CTIF: variants seen among roughly 807,000 people sequenced by gnomAD.
CTIF encodes the protein cap binding complex dependent translation initiation factor.
Under a neutral mutation model 66.0 loss-of-function variants are expected in CTIF, and 21 were observed. The ratio of observed to expected loss-of-function variants is 0.32; its 90% CI spans 0.23 to 0.46. The LOEUF is 0.46. Among genes scored for constraint, CTIF ranks in the 20% least tolerant of loss-of-function variants. The pLI, the probability that CTIF is intolerant of heterozygous loss-of-function variation, is 1.00. For synonymous variants in CTIF, 345 were observed against 326.4 expected (o/e 1.06, Z -0.62); for missense variants, 739 against 812.7 (o/e 0.91, Z 1.10).
intron 9 of CTIF, among the ~76,000 whole-genome samples, chr18:48,803,997 C>CCTGTGT (rs2068095388): frequency 6.6e-6 from 1 of 152,282 alleles, no homozygotes; most frequent in Admixed American, 6.5e-5. Flanking sequence ...CTAGGGCCCA[C>CCTGTGT]CTTCCATGTA....
chr18:48,666,794 C>G (rs567176745), intron 5 of CTIF, among the ~76,000 whole-genome samples: 1 of 152,310 alleles, frequency 6.6e-6, no homozygotes, highest in South Asian at 2.1e-4. Flanking sequence ...CCCACTCATT[C>G]AGTTGCAGGG....
At position 48,571,770 on chromosome 18, in the gene CTIF, C is replaced by T. The variant is rs565425767; in HGVS notation, c.-29+32458C>T. On this transcript the variant is annotated intron_variant, in intron 1 of 11. Coordinates refer to ENST00000256413, the MANE Select transcript of CTIF (RefSeq NM_014772.3). ...ACACTGTATACTGTGTAGTCAAAGG[C>T]AAATCACTCTTGGCTCCTGGCCTCA... 1.3e-3 allele frequency among the ~76,000 whole-genome samples: 202 copies of T among 152,170 alleles called. 2 individuals carry two copies. Among genetic ancestry groups the T allele is most frequent in the African/African-American group, 4.1e-3 (171 of 41,532 alleles).
intron 7 of CTIF, among the ~76,000 whole-genome samples, chr18:48,717,408 AAT>A (rs2145537658): frequency 7.5e-6 from 1 of 133,636 alleles, no homozygotes; most frequent in East Asian, 2.1e-4. Context: ...TTAAAAAATA[AAT>A]AAATAAATAA....
chr18:48,809,649 A>G (rs1047492833), intron 9 of CTIF, among the ~76,000 whole-genome samples: 23 of 152,106 alleles, frequency 1.5e-4, no homozygotes, highest in Admixed American at 1.2e-3. Flanking sequence ...TGGAAGTTTG[A>G]ATGAACTTAC....
chr18:48,720,117 A>G (rs1405492457), intron 7 of CTIF, among the ~76,000 whole-genome samples: 1 of 152,224 alleles, frequency 6.6e-6, no homozygotes, highest in Non-Finnish European at 1.5e-5. Context: ...TATGGAATGC[A>G]ACTACCATAA....
intron 7 of CTIF, among the ~76,000 whole-genome samples, chr18:48,753,361 G>C (rs1467617457): frequency 6.6e-6 from 1 of 152,184 alleles, no homozygotes; most frequent in Non-Finnish European, 1.5e-5. Flanking sequence ...AAAACGAACA[G>C]AGGGACATTT....
At chr18:48,626,208 A>T (rs549651775) in intron 2 of CTIF, among the ~76,000 whole-genome samples, 7 of 151,834 alleles carry the variant, frequency 4.6e-5, no homozygotes, top group African/African-American at 1.7e-4. Context: ...CACCATATTG[A>T]TCAGGTTGGT....
intron 1 of CTIF, among the ~76,000 whole-genome samples, chr18:48,563,464 TTTTTG>T (rs36232068): frequency 5.9e-5 from 9 of 152,152 alleles, no homozygotes; most frequent in East Asian, 1.9e-4. Flanking sequence ...TCTAAGGTTT[TTTTTG>T]TTTTGTTTTG....
intron 1 of CTIF, among the ~76,000 whole-genome samples, chr18:48,598,318 T>C (rs1473619840): frequency 1.3e-5 from 2 of 152,238 alleles, no homozygotes; most frequent in African/African-American, 4.8e-5. Flanking sequence ...CTCATTCATA[T>C]TTAAGTTTTC....
rs1384926973 is a variant in CTIF, at chr18:48,651,090, C to T, written c.253-12662C>T. 2.0e-5 allele frequency among the ~76,000 whole-genome samples: 3 copies of T among 152,252 alleles called. No homozygotes were observed. In the South Asian group the frequency reaches 6.2e-4, roughly 32 times the overall value. ...GCTAGGAAGAAACTGCATCAATTAACGGGCAAAATAACCAGCTAACATCAT... is the reference window on the plus strand; with the variant it reads ...GCTAGGAAGAAACTGCATCAATTAATGGGCAAAATAACCAGCTAACATCAT... On this transcript the variant is annotated intron_variant, in intron 3 of 11. Coordinates refer to ENST00000256413, the MANE Select transcript of CTIF (RefSeq NM_014772.3).
At chr18:48,621,967 C>T (rs189728501) in intron 2 of CTIF, among the ~76,000 whole-genome samples, 18 of 152,302 alleles carry the variant, frequency 1.2e-4, no homozygotes, top group South Asian at 6.2e-4. Flanking sequence ...GGTGTGGGGC[C>T]GCGCATCTAA....
At chr18:48,555,524 A>G (rs1286055478) in intron 1 of CTIF, among the ~76,000 whole-genome samples, 2 of 152,184 alleles carry the variant, frequency 1.3e-5, no homozygotes, top group Non-Finnish European at 2.9e-5. Context: ...GGCCTGGAGA[A>G]GGTGGGGATG....
intron 6 of CTIF, among the ~76,000 whole-genome samples, chr18:48,684,905 T>G (rs779070095): frequency 2.0e-5 from 3 of 152,216 alleles, no homozygotes; most frequent in Non-Finnish European, 4.4e-5. Flanking sequence ...AATCTAATTG[T>G]CATATCAGGA....
At chr18:48,543,517 G>A (rs755504386) in intron 1 of CTIF, among the ~76,000 whole-genome samples, 46 of 152,148 alleles carry the variant, frequency 3.0e-4, no homozygotes, top group Non-Finnish European at 5.0e-4. Flanking sequence ...CCTTCTCCCT[G>A]TGTTAGCACC....
intron 9 of CTIF, among the ~76,000 whole-genome samples, chr18:48,762,302 C>G (rs1408116398): frequency 6.6e-6 from 1 of 152,220 alleles, no homozygotes; most frequent in Non-Finnish European, 1.5e-5. Flanking sequence ...ATTGCTTCCT[C>G]CATGAAGGCC....
chr18:48,814,208 A>G (rs936931757), intron 9 of CTIF, among the ~76,000 whole-genome samples: 1 of 152,188 alleles, frequency 6.6e-6, no homozygotes, highest in Non-Finnish European at 1.5e-5. Context: ...GGAAATGACA[A>G]GCTGGGGGTT....
At chr18:48,804,133 A>T (rs1347951490) in intron 9 of CTIF, among the ~76,000 whole-genome samples, 1 of 152,164 alleles carries the variant, frequency 6.6e-6, no homozygotes. Flanking sequence ...GTCGTTGGCC[A>T]GGGAGATCAG....
chr18:48,546,388 G>A (rs749270058), intron 1 of CTIF, among the ~76,000 whole-genome samples: 4 of 152,144 alleles, frequency 2.6e-5, no homozygotes, highest in Non-Finnish European at 5.9e-5. Context: ...GGTCAGTCAG[G>A]GAAGGTTTCC....
Position 48,619,699 on chromosome 18 carries a change from C to G in CTIF, c.134C>G (p.Thr45Arg). The change falls in exon 2 of 12, where the codon ACG becomes AGG. Residue 45 changes from threonine (T) to arginine (R), a missense_variant. Physicochemically the swap from Thr to Arg is moderately conservative, Grantham distance 71. Transcript: ENST00000256413. ...YQVQGLLADK[T>R]EGDGESERTQ... ...GTGCAGGGGCTGCTGGCTGACAAGACGGAGGGTGATGGCGAGAGCGAGAGG... is the reference window on the plus strand; with the variant it reads ...GTGCAGGGGCTGCTGGCTGACAAGAGGGAGGGTGATGGCGAGAGCGAGAGG... 1 of 1,607,666 alleles carries G rather than the reference C, an allele frequency of 6.2e-7. No homozygotes were observed. The highest frequency in any genetic ancestry group is 1.7e-4 in the Middle Eastern group (1 of 6,046).
Sources: gnomAD v4.1 joint callset for allele counts (sites outside exome capture counted in the v4.1 genomes callset) on GRCh38, gnomAD v4.1.1 for gene constraint, MANE v1.5 for transcripts, NCBI Gene and HGNC (gene_info 2026-07-23, HGNC 2026-07-21) for gene names.